The following AP4E1 variants were observed in gnomAD, a reference collection of about 807,000 sequenced individuals.
AP4E1 encodes the protein AP-4 complex subunit epsilon-1.
AP4E1 carries 56 observed loss-of-function variants against 128.2 expected under a neutral mutation model. The ratio of observed to expected loss-of-function variants is 0.44; its 90% CI spans 0.35 to 0.55. The LOEUF (loss-of-function observed/expected upper bound fraction) is 0.55. AP4E1 is among the 20% of genes least tolerant of loss of function. AP4E1 has a pLI of 0.00. For synonymous variants in AP4E1, 484 were observed against 473.1 expected (o/e 1.02, Z -0.30); for missense variants, 1,324 against 1,307.7 (o/e 1.01, Z -0.19).
At chr15:50,960,630 C>T (rs1243075798) in intron 14 of AP4E1, among the ~76,000 whole-genome samples, 2 of 151,870 alleles carry the variant, frequency 1.3e-5, no homozygotes, top group Non-Finnish European at 2.9e-5. Context: ...ATGGCAAAAA[C>T]AGTGCTAAGA....
chr15:50,947,725 A>G (rs1312079570), intron 10 of AP4E1, among the ~76,000 whole-genome samples: 1 of 152,174 alleles, frequency 6.6e-6, no homozygotes, highest in Non-Finnish European at 1.5e-5. Context: ...ATATATATCT[A>G]TTGTATTTTA....
At chr15:50,997,183 T>A in intron 17 of AP4E1, 143 bp from the exon 18 acceptor site, 1 of 696,746 alleles carries the variant, frequency 1.4e-6, no homozygotes, top group Non-Finnish European at 2.2e-6. Flanking sequence ...ATGTTATTTA[T>A]CTCTGATTCT....
Position 50,975,647 on chromosome 15 carries a change from A to G in AP4E1, c.1966+7270A>G, listed in dbSNP as rs140087575. On this transcript the variant is annotated intron_variant, in intron 15 of 20. Transcript: ENST00000261842. ...TTTCTGGGCTCTCTGTTCTGTCTCT[A>G]TGTCTGTCTTTATGCCAGTACTATG... 1.2e-3 allele frequency among the ~76,000 whole-genome samples: 179 copies of G among 152,258 alleles called. 1 individual carries two copies. The highest frequency in any genetic ancestry group is 1.7e-3 in the Non-Finnish European group (114 of 68,020).
intron 3 of AP4E1, among the ~76,000 whole-genome samples, chr15:50,916,911 C>T (rs966632317): frequency 5.3e-5 from 8 of 151,496 alleles, no homozygotes; most frequent in South Asian, 4.2e-4. Context: ...ATTTTTTTTT[C>T]GAGGCTTCAA....
chr15:50,958,658 A>G lies in AP4E1; in HGVS notation c.1715A>G (p.Glu572Gly). The G allele has an allele frequency of 6.2e-7, 1 of 1,614,142 alleles. No homozygotes were observed. The highest frequency in any genetic ancestry group is 1.1e-5 in the South Asian group (1 of 91,088). The change falls in exon 14 of 21, where the codon GAG becomes GGG. Residue 572 changes from glutamate to glycine, a missense_variant. Coordinates refer to ENST00000261842, the MANE Select transcript of AP4E1 (RefSeq NM_007347.5). The stretch of plus-strand genomic sequence containing the variant: ...CAGGCGCACTCTTCTAATACAGTTG[A>G]GAGATTAATCCATGAATTTACCATA... ...TSQAHSSNTV[E>G]RLIHEFTISL...
intron 15 of AP4E1, 55 bp from the exon 16 acceptor site, chr15:50,983,967 A>T: frequency 6.3e-7 from 1 of 1,577,466 alleles, no homozygotes; most frequent in South Asian, 1.1e-5. Context: ...GGTAACTTTG[A>T]CAGTTTTTTG....
At chr15:50,971,571 A>G (rs1378109140) in intron 15 of AP4E1, among the ~76,000 whole-genome samples, 2 of 152,130 alleles carry the variant, frequency 1.3e-5, no homozygotes, top group South Asian at 2.1e-4. Context: ...TGAAATGCCC[A>G]TAATACAAAC....
At chr15:50,990,615 G>T (rs1236290575) in intron 16 of AP4E1, among the ~76,000 whole-genome samples, 2 of 151,974 alleles carry the variant, frequency 1.3e-5, no homozygotes, top group Admixed American at 6.6e-5. Context: ...TGAACTCCTG[G>T]GCTCAAGTGA....
At position 50,962,889 on chromosome 15, in the gene AP4E1, C is replaced by CAAAAAAAA. The variant is rs71127168; in HGVS notation, c.1851+4115_1851+4122dup. ...ATATATAAGGAACTCAATTCAACAG[C>CAAAAAAAA]AAAAAAAAAAAAAAAAAAAAAAAAA... On this transcript the variant is annotated intron_variant, in intron 14 of 20. Coordinates refer to ENST00000261842, the MANE Select transcript of AP4E1 (RefSeq NM_007347.5). Among the ~76,000 whole-genome samples, 8 of 38,716 alleles carry CAAAAAAAA rather than the reference C, an allele frequency of 2.1e-4. 3 individuals carry two copies. The highest frequency in any genetic ancestry group is 9.2e-4 in the African/African-American group (8 of 8,726). The allele number at this position is 38,716 out of a possible 152,430, so 25.4% of individuals were successfully genotyped here.
chr15:50,962,163 G>A (rs897063484), intron 14 of AP4E1, among the ~76,000 whole-genome samples: 7 of 151,892 alleles, frequency 4.6e-5, no homozygotes, highest in Non-Finnish European at 8.8e-5. Flanking sequence ...TGGATCACAT[G>A]AATATTGTTA....
chr15:50,917,137 T>C (rs2063639565), intron 3 of AP4E1, among the ~76,000 whole-genome samples: 1 of 152,220 alleles, frequency 6.6e-6, no homozygotes. Context: ...TTTTTTTCTC[T>C]TCTTTGGTTT....
chr15:50,924,419 T>G (rs763662696), intron 4 of AP4E1, among the ~76,000 whole-genome samples: 1 of 152,116 alleles, frequency 6.6e-6, no homozygotes, highest in Non-Finnish European at 1.5e-5. Flanking sequence ...GAATAGAATA[T>G]AATCAAGTAA....
upstream of AP4E1, among the ~76,000 whole-genome samples, chr15:50,907,644 A>G (rs2141119442): frequency 6.6e-6 from 1 of 152,294 alleles, no homozygotes; most frequent in East Asian, 1.9e-4. Flanking sequence ...AGAAAACACA[A>G]GGATACTCCA....
chr15:50,936,093 G>T (rs2063905128), intron 8 of AP4E1, among the ~76,000 whole-genome samples: 1 of 152,112 alleles, frequency 6.6e-6, no homozygotes, highest in Non-Finnish European at 1.5e-5. Flanking sequence ...GGAAGAATAA[G>T]GTAGACACAG....
At chr15:50,941,907 A>G (rs2063994337) in intron 10 of AP4E1, 132 bp downstream of exon 10, 2 of 699,616 alleles carry the variant, frequency 2.9e-6, no homozygotes, top group Non-Finnish European at 4.9e-6. Flanking sequence ...TTTTGGGTGT[A>G]TTTAATCCTT....
At chr15:50,969,853 G>T (rs1292108153) in intron 15 of AP4E1, among the ~76,000 whole-genome samples, 2 of 151,870 alleles carry the variant, frequency 1.3e-5, no homozygotes, top group Admixed American at 6.6e-5. Flanking sequence ...TAGAGACAGG[G>T]TTTCACCATG....
chr15:50,948,513 T>A (rs1172712530), intron 11 of AP4E1, among the ~76,000 whole-genome samples: 2 of 152,080 alleles, frequency 1.3e-5, no homozygotes, highest in Non-Finnish European at 2.9e-5. Context: ...GTGGAGGGTG[T>A]GTGGGAGTGG....
At chr15:50,997,178 A>AT in intron 17 of AP4E1, 148 bp from the exon 18 acceptor site, 1 of 678,906 alleles carries the variant, frequency 1.5e-6, no homozygotes, top group Non-Finnish European at 2.3e-6. Context: ...TTAACATGTT[A>AT]TTTATCTCTG....
intron 15 of AP4E1, among the ~76,000 whole-genome samples, chr15:50,972,127 G>A (rs1187073967): frequency 6.6e-6 from 1 of 152,138 alleles, no homozygotes; most frequent in Non-Finnish European, 1.5e-5. Flanking sequence ...GTATAAATGG[G>A]TCTTATTTGT....
Sources: gnomAD v4.1 joint callset for allele counts (sites outside exome capture counted in the v4.1 genomes callset) on GRCh38, gnomAD v4.1.1 for gene constraint, MANE v1.5 for transcripts, NCBI Gene and HGNC (gene_info 2026-07-23, HGNC 2026-07-21) for gene names.